The following CLSPN variants were observed in gnomAD, a reference collection of about 807,000 sequenced individuals.
The protein encoded by CLSPN is claspin homolog.
Under a neutral mutation model 156.3 loss-of-function variants are expected in CLSPN, and 85 were observed. That is an observed-to-expected ratio of 0.54 (90% CI 0.46 to 0.65). The LOEUF (loss-of-function observed/expected upper bound fraction) is 0.65, where lower values mean the gene tolerates loss of function less well. CLSPN is among the 30% of genes least tolerant of loss of function. The pLI is 0.00. For synonymous variants in CLSPN, 534 were observed against 542.4 expected (o/e 0.98, Z 0.22); for missense variants, 1,407 against 1,554.9 (o/e 0.90, Z 1.60).
At chr1:35,748,793 C>T (rs773968877) in intron 12 of CLSPN, 189 bp from the exon 13 acceptor site, 16 of 528,768 alleles carry the variant, frequency 3.0e-5, no homozygotes, top group South Asian at 2.7e-4. Flanking sequence ...GGGCTTATTA[C>T]TCTGAGCTAA....
Position 35,749,774 on chromosome 1 carries a change from G to A in CLSPN, c.2066C>T (p.Thr689Ile), listed in dbSNP as rs761384269. Residue 689 changes from threonine (T) to isoleucine (I), a missense_variant, in exon 11 of 25, where the codon ACA becomes ATA. Thr to Ile is a moderately conservative substitution (Grantham distance 89). Around this residue, in one of 3 missense-constraint regions of CLSPN, gnomAD observed 1,096 missense variants for 1,193.0 expected, o/e 0.92. Transcript: ENST00000318121. ...EFLLSSEEIETKDEKEMDKEN... is the reference protein window; with the variant it reads ...EFLLSSEEIEIKDEKEMDKEN... ...TTTATCCATTTCTTTTTCATCTTTT[G>A]TTTCTATTTCTTCACTACTAAGAAG... 2 of 1,613,818 alleles carry A rather than the reference G, an allele frequency of 1.2e-6. No individual in the cohort carries two copies. The highest frequency in any genetic ancestry group is 1.1e-5 in the South Asian group (1 of 91,064).
At chr1:35,741,973 C>CAAAAA (rs767602385) in intron 18 of CLSPN, among the ~76,000 whole-genome samples, 18 of 55,670 alleles carry the variant, frequency 3.2e-4, no homozygotes, top group African/African-American at 8.7e-4. Context: ...GACTCCGTCT[C>CAAAAA]AAAAAAAAAA....
chr1:35,728,937 C>T (rs1240414989), downstream of CLSPN, among the ~76,000 whole-genome samples: 2 of 119,332 alleles, frequency 1.7e-5, no homozygotes, highest in African/African-American at 8.7e-5. Context: ...CACACACACA[C>T]ACACACACAC....
intron 1 of CLSPN, 145 bp downstream of exon 1, chr1:35,769,702 G>C: frequency 2.9e-6 from 2 of 685,978 alleles, no homozygotes; most frequent in Non-Finnish European, 4.4e-6. Flanking sequence ...CGAGTCTCGA[G>C]GCCGCGGGAG....
downstream of CLSPN, among the ~76,000 whole-genome samples, chr1:35,731,525 C>G (rs541948704): frequency 6.6e-6 from 1 of 152,216 alleles, no homozygotes; most frequent in Admixed American, 6.5e-5. Context: ...ATTATATTTA[C>G]ATAAAGGTCG....
At position 35,762,342 on chromosome 1, in the gene CLSPN, A is replaced by T. The variant is rs1406142393; in HGVS notation, c.822+62T>A. 8 of 1,353,612 alleles carry T rather than the reference A, an allele frequency of 5.9e-6. No individual in the cohort carries two copies. The East Asian group carries it at 1.6e-4, about 27-fold the overall frequency. 83.9% of individuals were successfully genotyped at this position (1,353,612 alleles called of 1,614,324 possible). A position where few individuals can be genotyped will look rare whatever the true frequency, so the allele number is the denominator to read the frequency against. On this transcript the variant is annotated intron_variant, in intron 5 of 24. Coordinates refer to ENST00000318121, the MANE Select transcript of CLSPN (RefSeq NM_022111.4). ...AGACAAAATAAAATATTTATCCCTA[A>T]GAAATCTATAATCTCCTGTGTAAAG...
In CLSPN at chr1:35,736,091, G is replaced by C. The variant is rs150212867; in HGVS notation, c.*405C>G. On this transcript the variant is annotated 3_prime_UTR_variant, in exon 25 of 25. Coordinates refer to ENST00000318121, the MANE Select transcript of CLSPN (RefSeq NM_022111.4). Reference sequence around the variant, plus strand: ...AAATTAGCTGGGCGTATTGGCACATGCCTGTAATCCCAGCTACTCGGGAGG... The same window carrying C: ...AAATTAGCTGGGCGTATTGGCACATCCCTGTAATCCCAGCTACTCGGGAGG... The C allele has an allele frequency of 4.4e-5, 23 of 528,506 alleles. No individual in the cohort carries two copies. The South Asian group carries it at 1.4e-3, about 32-fold the overall frequency. The allele number at this position is 528,506 out of a possible 1,614,324, so 32.7% of individuals were successfully genotyped here. A position where few individuals can be genotyped will look rare whatever the true frequency, so the allele number is the denominator to read the frequency against.
chr1:35,737,274 A>C (rs1333117362), intron 23 of CLSPN, 65 bp downstream of exon 23: 4 of 1,433,588 alleles, frequency 2.8e-6, no homozygotes, highest in African/African-American at 1.4e-5. Flanking sequence ...ACTATTCTCT[A>C]AGCTGGACCT....
At position 35,736,497 on chromosome 1, in the gene CLSPN, T is replaced by G. The variant is rs368905173; in HGVS notation, c.4019A>C (p.Ter1340SerextTer10). ...TAGATTTTGGCACCTTTGATGGTGT[T>G]AGCTCTCCAAATATTTGAAGATGCT... ...TRSIFKYLES[*>S] Residue 1340 changes from the stop codon to serine, a stop_lost, in exon 25 of 25, where the codon TAA (stop) becomes TCA (serine). Coordinates refer to ENST00000318121, the MANE Select transcript of CLSPN (RefSeq NM_022111.4). The G allele has an allele frequency of 4.3e-5, 68 of 1,597,470 alleles. No individual in the cohort carries two copies. The highest frequency in any genetic ancestry group is 5.6e-5 in the Non-Finnish European group (66 of 1,173,280).
rs1371238494 is a variant in CLSPN at position 35,758,804 on chromosome 1, T to TTC, written c.1579+1537_1579+1538insGA. On this transcript the variant is annotated intron_variant, in intron 8 of 24. Coordinates refer to ENST00000318121, the MANE Select transcript of CLSPN (RefSeq NM_022111.4). ...CATATAGTGCTTTTTTCTTTTTCTT[T>TTC]TTTTTTTTTTTTGAGACAGGATTTC... 6.9e-4 allele frequency among the ~76,000 whole-genome samples: 103 copies of TTC among 150,066 alleles called. 2 individuals carry two copies. Among genetic ancestry groups the TTC allele is most frequent in the Non-Finnish European group, 2.5e-4 (17 of 67,188 alleles).
intron 1 of CLSPN, among the ~76,000 whole-genome samples, chr1:35,765,614 A>G (rs533619224): frequency 6.6e-5 from 10 of 152,320 alleles, no homozygotes; most frequent in African/African-American, 1.9e-4. Flanking sequence ...GTTCCCCAAT[A>G]TATCCATACA....
At chr1:35,747,604 A>G (rs1003117053) in intron 14 of CLSPN, among the ~76,000 whole-genome samples, 1 of 152,222 alleles carries the variant, frequency 6.6e-6, no homozygotes, top group Non-Finnish European at 1.5e-5. Context: ...TGAATTCTCA[A>G]CCTTACCCAA....
At chr1:35,745,187 T>C (rs1183747428) in intron 16 of CLSPN, among the ~76,000 whole-genome samples, 5 of 152,136 alleles carry the variant, frequency 3.3e-5, no homozygotes, top group African/African-American at 1.2e-4. Context: ...ACTCTTGGGG[T>C]TTTTCTGATA....
intron 18 of CLSPN, among the ~76,000 whole-genome samples, chr1:35,742,730 A>T (rs949058219): frequency 1.3e-5 from 2 of 148,786 alleles, no homozygotes; most frequent in Non-Finnish European, 3.0e-5. Flanking sequence ...CACAGGACAT[A>T]TTAAGTGATC....
rs1010316851 is a variant in CLSPN at position 35,732,647 on chromosome 1, C to G, written c.*3849G>C. ...CACTGACACTGAGCCTACCCTATCT[C>G]CCACACTCATGGGCTCTCATCCCTC... On this transcript the variant is annotated 3_prime_UTR_variant, in exon 25 of 25. Coordinates refer to ENST00000318121, the MANE Select transcript of CLSPN (RefSeq NM_022111.4). The G allele has an allele frequency of 2.0e-5, 20 of 985,306 alleles. 1 individual carries two copies. The highest frequency in any genetic ancestry group is 1.0e-3 in the Middle Eastern group (2 of 1,936). 61.0% of individuals were successfully genotyped at this position (985,306 alleles called of 1,614,324 possible).
At position 35,753,768 on chromosome 1, in the gene CLSPN, T is replaced by G; in HGVS notation, c.1748A>C (p.Asp583Ala). 6.2e-7 allele frequency: 1 copy of G among 1,614,210 alleles called. No individual in the cohort carries two copies. The highest frequency in any genetic ancestry group is 1.1e-5 in the South Asian group (1 of 91,086). Residue 583 changes from aspartate (D) to alanine (A), a missense_variant, in exon 9 of 25, where the codon GAT becomes GCT. By Grantham distance (126) the Asp-to-Ala change is moderately radical. Transcript: ENST00000318121. Reference protein sequence around the residue: ...VPVTLAPKKLDGASHTKPGEK... With the variant: ...VPVTLAPKKLAGASHTKPGEK... Reference sequence around the variant, plus strand: ...ACCTGGTTTTGTGTGGCTTGCTCCATCCAACTTCTTAGGTGCTAAAGTCAC... The same window carrying G: ...ACCTGGTTTTGTGTGGCTTGCTCCAGCCAACTTCTTAGGTGCTAAAGTCAC...
At position 35,765,300 on chromosome 1, in the gene CLSPN, G is replaced by A. The variant is rs368448130; in HGVS notation, c.51C>T (p.Asn17=). Residue 17 remains asparagine (N), a synonymous_variant, in exon 2 of 25, where the codon AAC becomes AAT. Coordinates refer to ENST00000318121, the MANE Select transcript of CLSPN (RefSeq NM_022111.4). ...TATCTGCTTCCTCTTGTGAAATGAC[G>A]TTTGGGTCATTGATTTCTAGGTGAA... ...SEVHLEINDP[N]VISQEEADSP... The A allele has an allele frequency of 3.7e-6, 6 of 1,613,200 alleles. No individual in the cohort carries two copies. Among genetic ancestry groups the A allele is most frequent in the East Asian group, 2.2e-5 (1 of 44,854 alleles).
intron 16 of CLSPN, among the ~76,000 whole-genome samples, chr1:35,744,947 G>A (rs934271392): frequency 1.3e-5 from 2 of 152,100 alleles, no homozygotes; most frequent in African/African-American, 4.8e-5. Context: ...CCAAGTAGCT[G>A]GGATTACAGG....
Position 35,751,377 on chromosome 1 carries a change from T to A in CLSPN, c.1901A>T (p.Glu634Val), listed in dbSNP as rs759499402. 4 of 1,610,772 alleles carry A rather than the reference T, an allele frequency of 2.5e-6. No homozygotes were observed. Among genetic ancestry groups the A allele is most frequent in the Non-Finnish European group, 3.4e-6 (4 of 1,178,122 alleles). The stretch of plus-strand genomic sequence containing the variant: ...AGACTCATCTGTCATTTCTTCCTCT[T>A]CCTCCTCCTCTTCCTCAAACCCATC... ...NEDGFEEEEE[E>V]EEEMTDESEE... Residue 634 changes from glutamate (E) to valine (V), a missense_variant, in exon 10 of 25, where the codon GAA becomes GTA. Around this residue, in one of 3 missense-constraint regions of CLSPN, gnomAD observed 1,096 missense variants for 1,193.0 expected, o/e 0.92. Coordinates refer to ENST00000318121, the MANE Select transcript of CLSPN (RefSeq NM_022111.4).
Sources: allele counts gnomAD v4.1 joint callset (sites outside exome capture counted in the v4.1 genomes callset), GRCh38; gene constraint gnomAD v4.1.1; regional missense constraint gnomAD v4.1.1; transcripts MANE v1.5; gene names NCBI Gene and HGNC (gene_info 2026-07-23, HGNC 2026-07-21).